ATP10A: variants seen among roughly 807,000 people sequenced by gnomAD.
The protein encoded by ATP10A is phospholipid-transporting ATPase VA.
A neutral mutation model predicts 147.8 loss-of-function variants in ATP10A; 111 were observed. That is an observed-to-expected ratio of 0.75 (90% CI 0.64 to 0.88). The LOEUF (loss-of-function observed/expected upper bound fraction) is 0.88. Ranked by LOEUF, ATP10A falls within the 40% of genes least tolerant of loss-of-function variation. The probability of loss-of-function intolerance (pLI) is 0.00; values close to 1 mark genes in which losing one functional copy is unlikely to be tolerated. For synonymous variants in ATP10A, 875 were observed against 841.6 expected (o/e 1.04, Z -0.69); for missense variants, 1,927 against 1,959.0 (o/e 0.98, Z 0.31).
At chr15:25,755,969 C>T (rs574361736) in intron 2 of ATP10A, among the ~76,000 whole-genome samples, 3 of 152,338 alleles carry the variant, frequency 2.0e-5, no homozygotes, top group Admixed American at 6.5e-5. Flanking sequence ...GGAAAAACAT[C>T]GGTTCAACCT....
At chr15:25,702,127 G>C (rs753898) in intron 12 of ATP10A, 27 bp from the exon 13 acceptor site, 146,534 of 1,589,346 alleles carry the variant, frequency 0.092, 7,324 homozygotes, top group South Asian at 0.12. Context: ...CAGTGTGAGC[G>C]AACCCGCTTC....
chr15:25,703,231 G>A (rs1487515682), intron 12 of ATP10A, among the ~76,000 whole-genome samples: 1 of 152,192 alleles, frequency 6.6e-6, no homozygotes, highest in Non-Finnish European at 1.5e-5. Context: ...GGTAGTGGGT[G>A]CCTGTAATCC....
chr15:25,790,443 G>C (rs1890358660), intron 1 of ATP10A, among the ~76,000 whole-genome samples: 1 of 152,206 alleles, frequency 6.6e-6, no homozygotes, highest in Non-Finnish European at 1.5e-5. Context: ...TCGCTCTGTG[G>C]TAAGTCAGAA....
intron 6 of ATP10A, 144 bp from the exon 7 acceptor site, chr15:25,722,053 G>A (rs1475198958): frequency 1.1e-6 from 1 of 896,416 alleles, no homozygotes; most frequent in Non-Finnish European, 1.7e-6. Context: ...AAATAGGTTG[G>A]TTTAGAGTCA....
Position 25,766,700 on chromosome 15 carries a change from C to T in ATP10A, c.654+14319G>A, listed in dbSNP as rs143165878. On this transcript the variant is annotated intron_variant, in intron 2 of 20. Coordinates refer to ENST00000555815, the MANE Select transcript of ATP10A (RefSeq NM_024490.4). The stretch of plus-strand genomic sequence containing the variant: ...CTCAAACACTGCCTCCAGGCCCCAA[C>T]CCAGCCGCTTCCATCCCAGCACCCT... Among the ~76,000 whole-genome samples the T allele has an allele frequency of 3.3e-5, 5 of 152,178 alleles. No homozygotes were observed. In the East Asian group the frequency reaches 9.7e-4, roughly 30 times the overall value.
intron 2 of ATP10A, among the ~76,000 whole-genome samples, chr15:25,761,516 CAGCCAGGAGTGGGGCTGT>C (rs1888756787): frequency 6.6e-6 from 1 of 152,260 alleles, no homozygotes; most frequent in South Asian, 2.1e-4. Flanking sequence ...GCTGTGAAAG[CAGCCAGGAGTGGGGCTGT>C]ACCCAGCAAA....
At chr15:25,792,432 G>A (rs866128209) in intron 1 of ATP10A, among the ~76,000 whole-genome samples, 2 of 152,340 alleles carry the variant, frequency 1.3e-5, no homozygotes, top group Middle Eastern at 3.4e-3. Flanking sequence ...ATAGCCACCA[G>A]GAGGGCTTAG....
At chr15:25,680,047 A>G in intron 20 of ATP10A, 73 bp from the exon 21 acceptor site, 5 of 1,587,300 alleles carry the variant, frequency 3.1e-6, no homozygotes, top group Non-Finnish European at 4.3e-6. Flanking sequence ...AGAGACCCAC[A>G]TAGAGCAGAA....
At chr15:25,808,361 C>G (rs1891287891) in intron 1 of ATP10A, among the ~76,000 whole-genome samples, 1 of 151,986 alleles carries the variant, frequency 6.6e-6, no homozygotes, top group Non-Finnish European at 1.5e-5. Flanking sequence ...TCCAGTTTAC[C>G]TCATTTTGCA....
At chr15:25,753,238 A>T (rs4906764) in intron 2 of ATP10A, among the ~76,000 whole-genome samples, 68,704 of 151,932 alleles carry the variant, frequency 0.45, 15,894 homozygotes, top group African/African-American at 0.53. Context: ...ACCATCATCT[A>T]TCTTCCTATC....
intron 1 of ATP10A, among the ~76,000 whole-genome samples, chr15:25,793,515 A>G (rs182860718): frequency 6.6e-6 from 1 of 152,280 alleles, no homozygotes; most frequent in East Asian, 1.9e-4. Flanking sequence ...AGTGATTATA[A>G]GTAGTTCTCT....
At chr15:25,829,664 G>T (rs775555803) in intron 1 of ATP10A, among the ~76,000 whole-genome samples, 16 of 152,126 alleles carry the variant, frequency 1.1e-4, no homozygotes, top group Admixed American at 2.0e-4. Flanking sequence ...CTGGGAGTGT[G>T]ACACTGGGAA....
intron 2 of ATP10A, among the ~76,000 whole-genome samples, chr15:25,739,257 A>G (rs1205127111): frequency 2.0e-5 from 3 of 152,148 alleles, no homozygotes; most frequent in Non-Finnish European, 4.4e-5. Context: ...TAAAGTTCTA[A>G]GTTTCCAAAA....
At chr15:25,730,688 G>C (rs1460538597) in intron 3 of ATP10A, among the ~76,000 whole-genome samples, 2 of 152,128 alleles carry the variant, frequency 1.3e-5, no homozygotes. Flanking sequence ...TGGGAGGAAG[G>C]AATGACAGAT....
At chr15:25,861,341 C>T (rs900178507) in intron 1 of ATP10A, among the ~76,000 whole-genome samples, 1 of 152,138 alleles carries the variant, frequency 6.6e-6, no homozygotes, top group Non-Finnish European at 1.5e-5. Context: ...GCTGTGCGGG[C>T]GGGAAGACCT....
chr15:25,677,444 A>G (rs1304033097), downstream of ATP10A: 4 of 152,102 alleles, frequency 2.6e-5, no homozygotes, highest in Non-Finnish European at 5.9e-5. Flanking sequence ...TACTCTCCAG[A>G]GGAGAAAGAC....
At position 25,714,170 on chromosome 15, in the gene ATP10A, G is replaced by T. The variant is rs1423507236; in HGVS notation, c.1848C>A (p.Ser616Arg). ...TGCTGCTGCAGCCTGAGGTCAGGCA[G>T]CTGGGTGTGAACCTCCGCAGGAAGT... ...IEDFLRRFTP[S>R]CLTSGCSSIG... Residue 616 changes from serine to arginine, a missense_variant, in exon 10 of 21, where the codon AGC becomes AGA. Coordinates refer to ENST00000555815, the MANE Select transcript of ATP10A (RefSeq NM_024490.4). 6.2e-7 allele frequency: 1 copy of T among 1,609,108 alleles called. No individual in the cohort carries two copies.
At position 25,703,666 on chromosome 15, in the gene ATP10A, C is replaced by T. The variant is rs115383170; in HGVS notation, c.2576-1566G>A. Among the ~76,000 whole-genome samples, 676 of 152,318 alleles carry T rather than the reference C, an allele frequency of 4.4e-3. 7 individuals carry two copies. Among genetic ancestry groups the T allele is most frequent in the African/African-American group, 0.016 (648 of 41,560 alleles). On this transcript the variant is annotated intron_variant, in intron 12 of 20. Coordinates refer to ENST00000555815, the MANE Select transcript of ATP10A (RefSeq NM_024490.4). ...AGGTAGAACTGAGGTACAGTAAACA[C>T]ACAAGTGTACATTTCTTAAATATTC...
chr15:25,775,187 T>G (rs755593888), intron 2 of ATP10A, among the ~76,000 whole-genome samples: 114 of 152,216 alleles, frequency 7.5e-4, no homozygotes, highest in Admixed American at 1.9e-3. Flanking sequence ...GTACAAAAAC[T>G]ACCTTGCAAA....
Sources: allele counts gnomAD v4.1 joint callset (sites outside exome capture counted in the v4.1 genomes callset), GRCh38; gene constraint gnomAD v4.1.1; transcripts MANE v1.5; gene names NCBI Gene and HGNC (gene_info 2026-07-23, HGNC 2026-07-21).